The following PAX7 variants were observed in gnomAD, a reference collection of about 807,000 sequenced individuals.
PAX7 encodes the protein paired box 7.
In PAX7, 18 loss-of-function variants were observed where a neutral mutation model predicts 50.7. That is an observed-to-expected ratio of 0.36 (90% confidence interval 0.25 to 0.53). The LOEUF is 0.53. Among genes scored for constraint, PAX7 ranks in the 20% least tolerant of loss-of-function variants. The pLI is 0.93. For synonymous variants in PAX7, 310 were observed against 290.4 expected (o/e 1.07, Z -0.69); for missense variants, 644 against 702.9 (o/e 0.92, Z 0.95).
At chr1:18,661,863 C>T (rs550982212) in intron 4 of PAX7, among the ~76,000 whole-genome samples, 48 of 152,254 alleles carry the variant, frequency 3.2e-4, no homozygotes, top group Admixed American at 7.2e-4. Context: ...GGGCGGAGGG[C>T]GCCGGGAGGG....
intron 7 of PAX7, among the ~76,000 whole-genome samples, chr1:18,718,803 G>A (rs1315585542): frequency 6.6e-6 from 1 of 151,882 alleles, no homozygotes; most frequent in Non-Finnish European, 1.5e-5. Flanking sequence ...CCACCACGCT[G>A]GCTAATTTTT....
intron 4 of PAX7, among the ~76,000 whole-genome samples, chr1:18,644,514 C>T (rs961057914): frequency 6.6e-6 from 1 of 152,094 alleles, no homozygotes; most frequent in Non-Finnish European, 1.5e-5. Flanking sequence ...TATATACTTT[C>T]ATACAGGCAG....
chr1:18,747,439 T>A lies in PAX7; in HGVS notation c.*2510T>A, dbSNP rs553779614. 1 of 224,306 alleles carries A rather than the reference T, an allele frequency of 4.5e-6. No individual in the cohort carries two copies. The highest frequency in any genetic ancestry group is 8.9e-6 in the Non-Finnish European group (1 of 112,486). 13.9% of individuals were successfully genotyped at this position (224,306 alleles called of 1,614,324 possible). A position where few individuals can be genotyped will look rare whatever the true frequency, so the allele number is the denominator to read the frequency against. On this transcript the variant is annotated 3_prime_UTR_variant, in exon 9 of 9. Transcript: ENST00000420770. ...TTCAGAAAGAGGCCCTTGACCCTGATAGGTTCTCTCTAAAACCCGTATATT... is the reference window on the plus strand; with the variant it reads ...TTCAGAAAGAGGCCCTTGACCCTGAAAGGTTCTCTCTAAAACCCGTATATT...
intron 7 of PAX7, among the ~76,000 whole-genome samples, chr1:18,720,168 G>A (rs906522944): frequency 2.6e-5 from 4 of 152,216 alleles, no homozygotes; most frequent in African/African-American, 7.2e-5. Context: ...AAGGCTCTGC[G>A]TGCCTGCGGA....
At chr1:18,670,903 T>A (rs914636362) in intron 4 of PAX7, among the ~76,000 whole-genome samples, 1 of 152,130 alleles carries the variant, frequency 6.6e-6, no homozygotes, top group Non-Finnish European at 1.5e-5. Context: ...CTCTGACACT[T>A]AACAGGAACC....
intron 4 of PAX7, among the ~76,000 whole-genome samples, chr1:18,682,588 CA>C (rs1487388663): frequency 2.6e-5 from 4 of 152,166 alleles, no homozygotes; most frequent in Admixed American, 2.0e-4. Flanking sequence ...TAGAAAACCC[CA>C]CATTAGAATC....
chr1:18,663,217 C>A (rs1357241338), intron 4 of PAX7, among the ~76,000 whole-genome samples: 1 of 152,220 alleles, frequency 6.6e-6, no homozygotes, highest in Admixed American at 6.5e-5. Flanking sequence ...CACCTTCAAC[C>A]TGATGGTAGC....
chr1:18,719,959 G>C (rs2089474305), intron 7 of PAX7, among the ~76,000 whole-genome samples: 2 of 152,192 alleles, frequency 1.3e-5, no homozygotes, highest in South Asian at 4.1e-4. Flanking sequence ...AGCCCTAAGG[G>C]CTTGGAATCA....
At chr1:18,705,595 C>T (rs1328349950) in intron 7 of PAX7, among the ~76,000 whole-genome samples, 1 of 152,158 alleles carries the variant, frequency 6.6e-6, no homozygotes, top group African/African-American at 2.4e-5. Context: ...AGGACTCTGT[C>T]ACAGGACAAA....
Position 18,633,112 on chromosome 1 carries a change from C to T in PAX7, c.86-1191C>T, listed in dbSNP as rs146787736. On this transcript the variant is annotated intron_variant, in intron 1 of 8. Coordinates refer to ENST00000420770, the MANE Select transcript of PAX7 (RefSeq NM_001135254.2). ...GCGACGCACGATTTCTGATTAAATC[C>T]GAGAGTGGCTTCAGACACCGACTTT... Among the ~76,000 whole-genome samples, 368 of 152,144 alleles carry T rather than the reference C, an allele frequency of 2.4e-3. 2 individuals are homozygous for T. The highest frequency in any genetic ancestry group is 7.1e-3 in the African/African-American group (296 of 41,504).
rs1350110716 is a variant in PAX7 at position 18,681,732 on chromosome 1, T to TTTATG, written c.587-10018_587-10017insGTTAT. Among the ~76,000 whole-genome samples the TTTATG allele has an allele frequency of 6.5e-3, 941 of 144,282 alleles. 21 individuals carry two copies. Among genetic ancestry groups the TTTATG allele is most frequent in the African/African-American group, 0.024 (915 of 37,870 alleles). 94.7% of individuals were successfully genotyped at this position (144,282 alleles called of 152,430 possible). A position where few individuals can be genotyped will look rare whatever the true frequency, so the allele number is the denominator to read the frequency against. On this transcript the variant is annotated intron_variant, in intron 4 of 8. Coordinates refer to ENST00000420770, the MANE Select transcript of PAX7 (RefSeq NM_001135254.2). ...TTTATTTTATTTTATTTTATTTTAT[T>TTTATG]TTATTTTATTTTATTTTATTTTTAT...
At chr1:18,649,690 C>T (rs1357264752) in intron 4 of PAX7, among the ~76,000 whole-genome samples, 1 of 152,198 alleles carries the variant, frequency 6.6e-6, no homozygotes, top group African/African-American at 2.4e-5. Context: ...ACTTGGCCTG[C>T]TGAAGGGTTA....
intron 7 of PAX7, among the ~76,000 whole-genome samples, chr1:18,708,951 C>T (rs2089316571): frequency 6.6e-6 from 1 of 152,154 alleles, no homozygotes; most frequent in Admixed American, 6.5e-5. Context: ...AGGCTGAGAT[C>T]CCAAGCAAAG....
At chr1:18,721,232 C>T (rs1334800199) in intron 7 of PAX7, among the ~76,000 whole-genome samples, 3 of 152,162 alleles carry the variant, frequency 2.0e-5, no homozygotes, top group Non-Finnish European at 4.4e-5. Context: ...TCCCAGAGCG[C>T]TCAGAGCCCA....
In PAX7 at chr1:18,735,536, A is replaced by G. The variant is rs946966664; in HGVS notation, c.1156-96A>G. On this transcript the variant is annotated intron_variant, in intron 7 of 8. Coordinates refer to ENST00000420770, the MANE Select transcript of PAX7 (RefSeq NM_001135254.2). The surrounding 1 kb of genome is among the most constrained non-coding windows in gnomAD (Gnocchi z 4.0). Reference sequence around the variant, plus strand: ...AGACTTCAAGGGAACAACTCTGGCAAAGAGTGTTCCAGGGCCAGCCTGGCA... The same window carrying G: ...AGACTTCAAGGGAACAACTCTGGCAGAGAGTGTTCCAGGGCCAGCCTGGCA... The G allele has an allele frequency of 1.1e-5, 17 of 1,528,722 alleles. No homozygotes were observed. The highest frequency in any genetic ancestry group is 1.4e-5 in the Non-Finnish European group (16 of 1,134,692). 94.7% of individuals were successfully genotyped at this position (1,528,722 alleles called of 1,614,324 possible).
intron 4 of PAX7, among the ~76,000 whole-genome samples, chr1:18,673,078 G>T (rs1230123827): frequency 2.0e-5 from 3 of 152,186 alleles, no homozygotes; most frequent in African/African-American, 7.2e-5. Context: ...AGTTGGAGTG[G>T]CAAGGGGTCT....
intron 8 of PAX7, among the ~76,000 whole-genome samples, chr1:18,741,286 TA>T (rs1461245384): frequency 1.3e-5 from 2 of 151,794 alleles, no homozygotes; most frequent in Non-Finnish European, 2.9e-5. Context: ...CCATCTCTAC[TA>T]AAAAATACAA....
At chr1:18,658,928 G>C (rs1430991741) in intron 4 of PAX7, among the ~76,000 whole-genome samples, 1 of 152,202 alleles carries the variant, frequency 6.6e-6, no homozygotes, top group African/African-American at 2.4e-5. Context: ...GCTGGAGAGT[G>C]TGTGTGCATA....
Position 18,721,737 on chromosome 1 carries a change from G to A in PAX7, c.1156-13895G>A, listed in dbSNP as rs552822115. 5.9e-5 allele frequency among the ~76,000 whole-genome samples: 9 copies of A among 152,344 alleles called. No homozygotes were observed. In the East Asian group the frequency reaches 7.7e-4, roughly 13 times the overall value. On this transcript the variant is annotated intron_variant, in intron 7 of 8. Coordinates refer to ENST00000420770, the MANE Select transcript of PAX7 (RefSeq NM_001135254.2). Reference sequence around the variant, plus strand: ...ACCATTTCTGCTCCGTCAGTGATGCGGGGAGGAGAAGCTGGCAGTTGTCGG... The same window carrying A: ...ACCATTTCTGCTCCGTCAGTGATGCAGGGAGGAGAAGCTGGCAGTTGTCGG...
Sources: gnomAD v4.1 joint callset for allele counts (sites outside exome capture counted in the v4.1 genomes callset) on GRCh38, gnomAD v4.1.1 for gene constraint, Gnocchi (gnomAD v3.1) non-coding constraint, MANE v1.5 for transcripts, NCBI Gene and HGNC (gene_info 2026-07-23, HGNC 2026-07-21) for gene names.